Variants in MTMR8 observed in about 807,000 individuals in gnomAD.
The protein encoded by MTMR8 is myotubularin related protein 8.
Under a neutral mutation model 39.3 loss-of-function variants are expected in MTMR8, and 65 were observed. That is an observed-to-expected ratio of 1.65 (90% CI 1.35 to 2.03). The LOEUF is 2.03. Ranked by LOEUF, MTMR8 falls within the 30% of genes most tolerant of loss-of-function variation. The pLI is 0.00. For synonymous variants in MTMR8, 245 were observed against 185.2 expected, an observed-to-expected ratio of 1.32 and a Z score of -2.62; for missense variants, 777 against 538.9, an observed-to-expected ratio of 1.44 and a Z score of -4.37.
chrX:64,353,565 G>T (rs1323977556), intron 4 of MTMR8, among the ~76,000 whole-genome samples: 1 of 111,723 alleles, frequency 9.0e-6, no homozygotes, highest in Non-Finnish European at 1.9e-5. Context: ...CTGTTAAAAT[G>T]GCTTTTATCA....
chrX:64,297,525 G>A (rs547897008), intron 12 of MTMR8, among the ~76,000 whole-genome samples: 4 of 86,848 alleles, frequency 4.6e-5, no homozygotes, highest in Non-Finnish European at 6.7e-5. Context: ...CTCCCATTTT[G>A]TAGGTTGCCT....
chrX:64,328,828 A>G lies in MTMR8; in HGVS notation c.1425T>C (p.Tyr475=), dbSNP rs34908053. The G allele has an allele frequency of 3.9e-4, 463 of 1,200,708 alleles. 2 individuals are homozygous for G. The African/African-American group carries it at 7.3e-3, about 19-fold the overall frequency. The change falls in exon 12 of 14, where the codon TAT becomes TAC. Residue 475 remains tyrosine, a synonymous_variant. Coordinates refer to ENST00000374852, the MANE Select transcript of MTMR8 (RefSeq NM_017677.4). The part of the protein sequence containing the change: ...QRKPDFRNPL[Y]KGFTMYGVLN... ...GTACCCCATACATAGTGAAGCCTTT[A>G]TAGAGAGGGTTCCTGAAGTCTGGTT... is the stretch of plus-strand genomic sequence containing the variant.
chrX:64,282,950 A>T, intron 12 of MTMR8, among the ~76,000 whole-genome samples: 1 of 111,906 alleles, frequency 8.9e-6, no homozygotes, highest in Non-Finnish European at 1.9e-5. Flanking sequence ...TACTGGGTTC[A>T]TCTCACTAGG....
At chrX:64,373,187 G>A (rs1371016438) in intron 1 of MTMR8, among the ~76,000 whole-genome samples, 1 of 112,178 alleles carries the variant, frequency 8.9e-6, no homozygotes, top group East Asian at 2.8e-4. Context: ...AAGTGGTGAG[G>A]TAAAGGCAGG....
intron 12 of MTMR8, among the ~76,000 whole-genome samples, chrX:64,321,977 G>C (rs762761696): frequency 9.0e-6 from 1 of 111,246 alleles, no homozygotes; most frequent in Admixed American, 9.5e-5. Context: ...TGCATATGTT[G>C]AGCCATTCTT....
In MTMR8 at chrX:64,354,921, A is replaced by C; in HGVS notation, c.324T>G (p.Asp108Glu). ...LKLSQPALPE[D>E]LYAFSYNPKS... ...TGGGATTATAAGAAAAAGCATAAAG[A>C]TCTTCAGGTAATGCTGGAGAAGAGA... The change falls in exon 4 of 14, where the codon GAT (aspartate) becomes GAG (glutamate). Residue 108 changes from aspartate to glutamate, a missense_variant. Asp to Glu is a conservative substitution (Grantham distance 45, BLOSUM62 2). Transcript: ENST00000374852. The C allele has an allele frequency of 8.4e-7, 1 of 1,196,075 alleles. No individual in the cohort carries two copies. The highest frequency in any genetic ancestry group is 1.1e-6 in the Non-Finnish European group (1 of 888,333).
chrX:64,359,167 G>T (rs1336145548), intron 2 of MTMR8, among the ~76,000 whole-genome samples: 2 of 110,883 alleles, frequency 1.8e-5, no homozygotes, highest in South Asian at 3.8e-4. Flanking sequence ...AAATAATTTA[G>T]CTAAACCCCA....
At chrX:64,372,994 T>C (rs1924168086) in intron 1 of MTMR8, among the ~76,000 whole-genome samples, 1 of 111,770 alleles carries the variant, frequency 8.9e-6, no homozygotes, top group African/African-American at 3.3e-5. Context: ...ATCTAGGAAG[T>C]ATGTCCAAGC....
chrX:64,368,579 C>T (rs1157421750), intron 1 of MTMR8, among the ~76,000 whole-genome samples: 1 of 111,545 alleles, frequency 9.0e-6, no homozygotes, highest in Non-Finnish European at 1.9e-5. Flanking sequence ...AAACTGGATC[C>T]CTTCCTTACA....
At chrX:64,304,863 TATATATATATATATATA>T (rs1922030149) in intron 12 of MTMR8, among the ~76,000 whole-genome samples, 1 of 21,365 alleles carries the variant, frequency 4.7e-5, no homozygotes, top group African/African-American at 1.8e-3. Flanking sequence ...CAAACATTTA[TATATATATATATATATA>T]TATATATATA....
At chrX:64,291,476 G>A (rs1051507951) in intron 12 of MTMR8, among the ~76,000 whole-genome samples, 9 of 110,366 alleles carry the variant, frequency 8.2e-5, no homozygotes, top group African/African-American at 3.0e-4. Flanking sequence ...CTGCGTGCTG[G>A]CCTCTACACT....
At chrX:64,379,060 C>T in intron 1 of MTMR8, among the ~76,000 whole-genome samples, 1 of 111,779 alleles carries the variant, frequency 8.9e-6, no homozygotes, top group Non-Finnish European at 1.9e-5. Flanking sequence ...TCAAAAGACA[C>T]AGTCTACCAA....
In MTMR8 at chrX:64,334,689, A is replaced by C. The variant is rs1410151730; in HGVS notation, c.1151+1390T>G. Among the ~76,000 whole-genome samples, 3 of 109,629 alleles carry C rather than the reference A, an allele frequency of 2.7e-5. No individual in the cohort carries two copies. In the East Asian group the frequency reaches 8.6e-4, roughly 31 times the overall value. ...ACACCCTTTGACCCAGCCACACTGAATTGCTTGCAGCTCCTCAAACACGTA... is the reference window on the plus strand; with the variant it reads ...ACACCCTTTGACCCAGCCACACTGACTTGCTTGCAGCTCCTCAAACACGTA... On this transcript the variant is annotated intron_variant, in intron 10 of 13. Coordinates refer to ENST00000374852, the MANE Select transcript of MTMR8 (RefSeq NM_017677.4).
chrX:64,343,472 A>G, intron 8 of MTMR8, 139 bp downstream of exon 8: 1 of 417,348 alleles, frequency 2.4e-6, no homozygotes, highest in Admixed American at 4.1e-5. Flanking sequence ...GACTTGCCCA[A>G]GGGCACACAG....
chrX:64,295,204 G>A (rs977464399), intron 12 of MTMR8, among the ~76,000 whole-genome samples: 3 of 109,793 alleles, frequency 2.7e-5, no homozygotes, highest in African/African-American at 1.0e-4. Flanking sequence ...TCTCCCGTAA[G>A]TGCACCTGAA....
intron 1 of MTMR8, among the ~76,000 whole-genome samples, chrX:64,377,580 T>G (rs1924303534): frequency 8.9e-6 from 1 of 112,612 alleles, no homozygotes; most frequent in African/African-American, 3.2e-5. Context: ...ATGGGAATAT[T>G]TACCCAATGC....
chrX:64,368,658 A>T (rs1448383470), intron 1 of MTMR8, among the ~76,000 whole-genome samples: 3 of 112,341 alleles, frequency 2.7e-5, no homozygotes, highest in African/African-American at 9.7e-5. Context: ...TAAAAACCCT[A>T]GAAGAAAACC....
intron 1 of MTMR8, among the ~76,000 whole-genome samples, chrX:64,377,574 G>A (rs1216688449): frequency 8.9e-6 from 1 of 112,326 alleles, no homozygotes; most frequent in Non-Finnish European, 1.9e-5. Flanking sequence ...TTTGGAATGG[G>A]AATATTTACC....
intron 12 of MTMR8, among the ~76,000 whole-genome samples, chrX:64,319,941 T>A (rs1220504625): frequency 1.8e-5 from 2 of 111,625 alleles, no homozygotes; most frequent in Non-Finnish European, 3.8e-5. Context: ...TTCTGTGAAG[T>A]AACTTATTGG....
Sources: gnomAD v4.1 joint callset for allele counts (sites outside exome capture counted in the v4.1 genomes callset) on GRCh38, gnomAD v4.1.1 for gene constraint, MANE v1.5 for transcripts, NCBI Gene and HGNC (gene_info 2026-07-23, HGNC 2026-07-21) for gene names.